Variants in IL23R observed in about 807,000 individuals in gnomAD.
The protein encoded by IL23R is interleukin-23 receptor.
Under a neutral mutation model 56.9 loss-of-function variants are expected in IL23R, and 34 were observed. That is an observed-to-expected ratio of 0.60 (90% confidence interval 0.45 to 0.80). IL23R has a LOEUF of 0.80. IL23R is among the 30% of genes least tolerant of loss of function. The pLI, the probability that IL23R is intolerant of heterozygous loss-of-function variation, is 0.00. For missense variants in IL23R, 635 were observed against 730.0 expected (o/e 0.87, Z 1.50); for synonymous variants, 230 against 249.2 (o/e 0.92, Z 0.73).
At chr1:67,215,740 G>T (rs534769263) in intron 6 of IL23R, among the ~76,000 whole-genome samples, 7 of 152,294 alleles carry the variant, frequency 4.6e-5, no homozygotes, top group East Asian at 3.9e-4. Context: ...AAACAATAAA[G>T]ACCAAGAACC....
intron 6 of IL23R, among the ~76,000 whole-genome samples, chr1:67,215,761 T>TC (rs1649792616): frequency 6.6e-6 from 1 of 152,216 alleles, no homozygotes; most frequent in Non-Finnish European, 1.5e-5. Context: ...TTGGCAGTCT[T>TC]CATCCTACTC....
At chr1:67,263,357 A>G (rs1653268958), downstream of IL23R, among the ~76,000 whole-genome samples, 1 of 151,936 alleles carries the variant, frequency 6.6e-6, no homozygotes, top group Non-Finnish European at 1.5e-5. Context: ...AAGTACTGGG[A>G]ATTATAGGCA....
intron 7 of IL23R, among the ~76,000 whole-genome samples, chr1:67,227,482 T>C (rs538656972): frequency 1.3e-5 from 2 of 152,040 alleles, no homozygotes; most frequent in South Asian, 4.2e-4. Flanking sequence ...AGCAAGATAT[T>C]AAACAACATT....
At chr1:67,170,685 A>G (rs1646932368) in intron 3 of IL23R, among the ~76,000 whole-genome samples, 1 of 152,208 alleles carries the variant, frequency 6.6e-6, no homozygotes, top group Non-Finnish European at 1.5e-5. Flanking sequence ...GTAAAAAAAT[A>G]AAGGAATTTG....
intron 7 of IL23R, among the ~76,000 whole-genome samples, chr1:67,220,655 C>A (rs1650179057): frequency 6.6e-6 from 1 of 152,068 alleles, no homozygotes; most frequent in Admixed American, 6.5e-5. Flanking sequence ...ATTGCTTGAG[C>A]CCAGGAGTTC....
At chr1:67,202,160 T>A (rs1648685081) in intron 5 of IL23R, among the ~76,000 whole-genome samples, 1 of 152,228 alleles carries the variant, frequency 6.6e-6, no homozygotes, top group Non-Finnish European at 1.5e-5. Context: ...ATTAAAGATA[T>A]TTCAATAAGC....
At chr1:67,185,073 G>T (rs956076973) in intron 4 of IL23R, among the ~76,000 whole-genome samples, 3 of 152,208 alleles carry the variant, frequency 2.0e-5, no homozygotes, top group Non-Finnish European at 4.4e-5. Flanking sequence ...CAAGCCTCCA[G>T]AACTGTAAAC....
chr1:67,181,946 G>A (rs1647150312), intron 3 of IL23R, among the ~76,000 whole-genome samples: 1 of 152,184 alleles, frequency 6.6e-6, no homozygotes, highest in Non-Finnish European at 1.5e-5. Context: ...GCAGAACAGC[G>A]AATATTGGTG....
rs373078404 is a variant in IL23R at position 67,249,302 on chromosome 1, AC to A, written c.1149-6533del. On this transcript the variant is annotated intron_variant, in intron 9 of 10. Coordinates refer to ENST00000347310, the MANE Select transcript of IL23R (RefSeq NM_144701.3). ...TGATACGAATTTAAAGTTATTAGAA[AC>A]CTGTATTCAAGAGTGCTTTTTAGCA... is the stretch of plus-strand genomic sequence containing the variant. Among the ~76,000 whole-genome samples, 137 of 152,262 alleles carry A rather than the reference AC, an allele frequency of 9.0e-4. 3 individuals carry two copies. In the South Asian group the frequency reaches 0.027, roughly 30 times the overall value.
At chr1:67,228,552 A>C (rs1464563716) in intron 7 of IL23R, among the ~76,000 whole-genome samples, 1 of 151,890 alleles carries the variant, frequency 6.6e-6, no homozygotes, top group African/African-American at 2.4e-5. Context: ...TCCTATTACT[A>C]CTGTCACAAA....
intron 4 of IL23R, among the ~76,000 whole-genome samples, chr1:67,197,158 T>C (rs1303963152): frequency 2.0e-5 from 3 of 152,112 alleles, no homozygotes; most frequent in African/African-American, 7.2e-5. Flanking sequence ...GAGGGGGACA[T>C]GCCACTAAGT....
chr1:67,241,566 C>T (rs765278219), intron 9 of IL23R, among the ~76,000 whole-genome samples: 5 of 152,182 alleles, frequency 3.3e-5, no homozygotes, highest in Non-Finnish European at 7.3e-5. Context: ...CAGTGCCACT[C>T]TCAGTTACCA....
At chr1:67,252,410 G>A (rs1183315566) in intron 9 of IL23R, among the ~76,000 whole-genome samples, 1 of 152,174 alleles carries the variant, frequency 6.6e-6, no homozygotes, top group African/African-American at 2.4e-5. Flanking sequence ...GTTAATTACT[G>A]ATCAAATCCA....
At chr1:67,214,053 A>G (rs1291785996) in intron 6 of IL23R, among the ~76,000 whole-genome samples, 1 of 152,226 alleles carries the variant, frequency 6.6e-6, no homozygotes, top group African/African-American at 2.4e-5. Context: ...ACAAGCCTAT[A>G]TTCAGCTACC....
Position 67,258,580 on chromosome 1 carries a change from A to G in IL23R, c.1342A>G (p.Thr448Ala), listed in dbSNP as rs1274475754. 1 of 1,613,466 alleles carries G rather than the reference A, an allele frequency of 6.2e-7. No homozygotes were observed. The highest frequency in any genetic ancestry group is 8.5e-7 in the Non-Finnish European group (1 of 1,179,784). ...KEIFIPEHKP[T>A]DYKKENTGPL... ...AATCTTCATCCCAGAACACAAGCCTACAGACTACAAGAAGGAGAATACAGG... is the reference window on the plus strand; with the variant it reads ...AATCTTCATCCCAGAACACAAGCCTGCAGACTACAAGAAGGAGAATACAGG... The change falls in exon 11 of 11, where the codon ACA (threonine) becomes GCA (alanine). Residue 448 changes from threonine to alanine, a missense_variant. Transcript: ENST00000347310.
intron 4 of IL23R, among the ~76,000 whole-genome samples, chr1:67,197,339 A>C (rs993477088): frequency 6.6e-6 from 1 of 152,210 alleles, no homozygotes; most frequent in African/African-American, 2.4e-5. Flanking sequence ...AAAGGCAAAG[A>C]TCACAATAAA....
At chr1:67,226,378 G>A (rs1449763182) in intron 7 of IL23R, among the ~76,000 whole-genome samples, 1 of 152,172 alleles carries the variant, frequency 6.6e-6, no homozygotes, top group Non-Finnish European at 1.5e-5. Flanking sequence ...GTGGCTCTTA[G>A]CGGGATAGAT....
chr1:67,258,793 G>A lies in IL23R; in HGVS notation c.1555G>A (p.Gly519Arg), dbSNP rs530714168. Residue 519 changes from glycine (G) to arginine (R), a missense_variant, in exon 11 of 11, where the codon GGA becomes AGA. Gly to Arg is a moderately radical substitution (Grantham distance 125). Transcript: ENST00000347310. ...ACCACCAGTTGATTCCTTAGACTCAGGAAATAATCCCAGGTTACAAAAGCA... is the reference window on the plus strand; with the variant it reads ...ACCACCAGTTGATTCCTTAGACTCAAGAAATAATCCCAGGTTACAAAAGCA... ...LKPPVDSLDS[G>R]NNPRLQKHPN... The A allele has an allele frequency of 8.1e-5, 130 of 1,611,206 alleles. 1 individual carries two copies. The South Asian group carries it at 1.4e-3, about 17-fold the overall frequency.
At chr1:67,142,247 A>G (rs1646644917) in intron 1 of IL23R, among the ~76,000 whole-genome samples, 1 of 152,232 alleles carries the variant, frequency 6.6e-6, no homozygotes, top group South Asian at 2.1e-4. Flanking sequence ...CTTTCTCAAA[A>G]AAGTAAAAGA....
Sources: gnomAD v4.1 joint callset for allele counts (sites outside exome capture counted in the v4.1 genomes callset) on GRCh38, gnomAD v4.1.1 for gene constraint, MANE v1.5 for transcripts, NCBI Gene and HGNC (gene_info 2026-07-23, HGNC 2026-07-21) for gene names.